Variants in CNOT7 observed in about 807,000 individuals in gnomAD.
The protein encoded by CNOT7 is BTG1-binding factor 1.
In CNOT7, 4 loss-of-function variants were observed where a neutral mutation model predicts 37.1. The observed-to-expected ratio is 0.11, with a 90% CI of 0.05 to 0.25. The LOEUF is 0.25. Among genes scored for constraint, CNOT7 ranks in the 10% least tolerant of loss-of-function variants. The pLI is 1.00. For missense variants in CNOT7, 170 were observed against 336.2 expected (o/e 0.51, Z 3.87); for synonymous variants, 128 against 115.6 (o/e 1.11, Z -0.69).
chr8:17,232,154 G>C, intron 6 of CNOT7: 2 of 1,151,008 alleles, frequency 1.7e-6, no homozygotes, highest in Non-Finnish European at 2.2e-6. Context: ...TCTCACCTGA[G>C]AAATAATATG....
At chr8:17,232,026 A>C (rs1808705692) in intron 6 of CNOT7, 1 of 1,032,244 alleles carries the variant, frequency 9.7e-7, no homozygotes. Flanking sequence ...GTCATGCTAG[A>C]ATAAACCTAA....
At position 17,232,123 on chromosome 8, in the gene CNOT7, A is replaced by G. The variant is rs979645184; in HGVS notation, c.729+304T>C. ...TCTCCCACTAGTAATGTGTTTAATC[A>G]TGGAAGTTATTAGCCTGTTTTCTCA... On this transcript the variant is annotated intron_variant, in intron 6 of 6. Transcript: ENST00000361272. The G allele has an allele frequency of 4.7e-6, 5 of 1,053,950 alleles. No individual in the cohort carries two copies. In the African/African-American group the frequency reaches 8.4e-5, roughly 18 times the overall value. 65.3% of individuals were successfully genotyped at this position (1,053,950 alleles called of 1,614,324 possible). A position where few individuals can be genotyped will look rare whatever the true frequency, so the allele number is the denominator to read the frequency against.
intron 4 of CNOT7, 39 bp downstream of exon 4, chr8:17,237,173 A>C: frequency 6.2e-7 from 1 of 1,601,434 alleles, no homozygotes; most frequent in Non-Finnish European, 8.5e-7. Context: ...CAAGTATGAG[A>C]TGGAAAAACA....
intron 4 of CNOT7, among the ~76,000 whole-genome samples, chr8:17,235,711 GATTAT>G (rs1250564992): frequency 2.0e-5 from 3 of 152,118 alleles, no homozygotes; most frequent in Non-Finnish European, 4.4e-5. Flanking sequence ...AACATTAAAA[GATTAT>G]ATTAGCGCTT....
intron 6 of CNOT7, chr8:17,232,056 G>C (rs924341738): frequency 2.9e-5 from 30 of 1,032,380 alleles, no homozygotes; most frequent in Non-Finnish European, 3.5e-5. Flanking sequence ...TCCTTGCCTT[G>C]TAGGAGGAGC....
intron 1 of CNOT7, 24 bp downstream of exon 1, chr8:17,246,651 G>A (rs1036706592): frequency 6.3e-6 from 1 of 158,650 alleles, no homozygotes; most frequent in Non-Finnish European, 1.4e-5. Context: ...CCCCCCGTAA[G>A]GCTGCAGCGG....
At chr8:17,232,133 T>C (rs1223072195) in intron 6 of CNOT7, 2 of 1,075,020 alleles carry the variant, frequency 1.9e-6, no homozygotes, top group Non-Finnish European at 2.3e-6. Context: ...ATGGAAGTTA[T>C]TAGCCTGTTT....
At chr8:17,242,076 T>C (rs1052894547) in intron 3 of CNOT7, 1 of 152,114 alleles carries the variant, frequency 6.6e-6, no homozygotes, top group Admixed American at 6.6e-5. Context: ...TGGGACAACT[T>C]AGCCACACCA....
intron 3 of CNOT7, among the ~76,000 whole-genome samples, chr8:17,239,117 A>C (rs1809792344): frequency 6.6e-6 from 1 of 152,222 alleles, no homozygotes; most frequent in Admixed American, 6.5e-5. Flanking sequence ...CAGTGGCTTG[A>C]ACACGGCTCA....
intron 6 of CNOT7, among the ~76,000 whole-genome samples, chr8:17,231,194 A>T (rs941207032): frequency 3.3e-5 from 5 of 152,134 alleles, no homozygotes; most frequent in African/African-American, 9.7e-5. Flanking sequence ...GGGGAAAAAA[A>T]GTTTAGGTTC....
Position 17,230,822 on chromosome 8 carries a change from A to G in CNOT7, c.756T>C (p.Asp252=), listed in dbSNP as rs1309567926. The G allele has an allele frequency of 6.2e-7, 1 of 1,605,036 alleles. No homozygotes were observed. The highest frequency in any genetic ancestry group is 1.7e-5 in the Admixed American group (1 of 59,570). ...CATACAAATGACCACAATATTTGGCATCATCAATATGATCTTCAAAGAACA... is the reference window on the plus strand; with the variant it reads ...CATACAAATGACCACAATATTTGGCGTCATCAATATGATCTTCAAAGAACA... ...REMFFEDHID[D]AKYCGHLYGL... is the part of the protein sequence containing the mutation. Residue 252 remains aspartate, a synonymous_variant, in exon 7 of 7, where the codon GAT becomes GAC. Coordinates refer to ENST00000361272, the MANE Select transcript of CNOT7 (RefSeq NM_013354.7).
chr8:17,225,463 C>CTA lies in CNOT7; in HGVS notation c.*5255_*5256dup, dbSNP rs1297582207. 3 of 151,726 alleles carry CTA rather than the reference C, an allele frequency of 2.0e-5. No homozygotes were observed. The highest frequency in any genetic ancestry group is 6.6e-5 in the Admixed American group (1 of 15,204). The allele number at this position is 151,726 out of a possible 1,614,324, so 9.4% of individuals were successfully genotyped here. A position where few individuals can be genotyped will look rare whatever the true frequency, so the allele number is the denominator to read the frequency against. On this transcript the variant is annotated 3_prime_UTR_variant, in exon 7 of 7. Coordinates refer to ENST00000361272, the MANE Select transcript of CNOT7 (RefSeq NM_013354.7). Reference sequence around the variant, plus strand: ...TGTAGCTTGTTCATTCACCTACAGACTATGGCTACAAAGCAATGAAATGGA... The same window carrying CTA: ...TGTAGCTTGTTCATTCACCTACAGACTATATGGCTACAAAGCAATGAAATGGA...
rs997268901 is a variant in CNOT7 at position 17,227,813 on chromosome 8, A to G, written c.*2907T>C. 3.9e-5 allele frequency: 6 copies of G among 151,932 alleles called. No individual in the cohort carries two copies. Among genetic ancestry groups the G allele is most frequent in the Non-Finnish European group, 7.4e-5 (5 of 67,832 alleles). 9.4% of individuals were successfully genotyped at this position (151,932 alleles called of 1,614,324 possible). A position where few individuals can be genotyped will look rare whatever the true frequency, so the allele number is the denominator to read the frequency against. On this transcript the variant is annotated 3_prime_UTR_variant, in exon 7 of 7. Transcript: ENST00000361272. ...TTCCAATGTGCCTTGAAAGTGTAAC[A>G]TTCAAAGGTACTTTTCTTGTTCTGA...
intron 5 of CNOT7, among the ~76,000 whole-genome samples, chr8:17,233,288 C>G (rs1376480406): frequency 1.3e-5 from 2 of 152,172 alleles, no homozygotes; most frequent in African/African-American, 4.8e-5. Context: ...AGGCCTCCAC[C>G]GGCAAAATGG....
chr8:17,242,733 G>C (rs1341731989), intron 3 of CNOT7: 2 of 292,310 alleles, frequency 6.8e-6, no homozygotes, highest in African/African-American at 4.3e-5. Context: ...TTTTCTATCA[G>C]AAGTACTTTC....
intron 6 of CNOT7, among the ~76,000 whole-genome samples, chr8:17,231,051 A>G (rs1211827810): frequency 6.6e-6 from 1 of 152,132 alleles, no homozygotes; most frequent in African/African-American, 2.4e-5. Context: ...AACCAAAGAA[A>G]GAGACTACAA....
At chr8:17,232,686 T>C (rs1563189296) in intron 5 of CNOT7, 149 bp from the exon 6 acceptor site, 1 of 648,700 alleles carries the variant, frequency 1.5e-6, no homozygotes. Flanking sequence ...AAACAGAGAA[T>C]GTGAATTACT....
chr8:17,243,265 C>G, intron 2 of CNOT7, 80 bp from the exon 3 acceptor site: 3 of 1,082,206 alleles, frequency 2.8e-6, no homozygotes, highest in East Asian at 2.4e-5. Context: ...TGATGCAAAT[C>G]AAAGAATCCT....
At chr8:17,245,509 C>T (rs1474099840) in intron 1 of CNOT7, among the ~76,000 whole-genome samples, 1 of 152,130 alleles carries the variant, frequency 6.6e-6, no homozygotes, top group East Asian at 1.9e-4. Context: ...TTATAACTTT[C>T]CACTAATTAT....
Sources: gnomAD v4.1 joint callset for allele counts (sites outside exome capture counted in the v4.1 genomes callset) on GRCh38, gnomAD v4.1.1 for gene constraint, MANE v1.5 for transcripts, NCBI Gene and HGNC (gene_info 2026-07-23, HGNC 2026-07-21) for gene names.